The following EFR3A variants were observed in gnomAD, a reference collection of about 807,000 sequenced individuals.
EFR3A encodes the protein EFR3 homolog A.
A neutral mutation model predicts 104.4 loss-of-function variants in EFR3A; 76 were observed. The observed-to-expected ratio is 0.73, with a 90% CI of 0.60 to 0.88. EFR3A has a LOEUF of 0.88. Ranked by LOEUF, EFR3A falls within the 40% of genes least tolerant of loss-of-function variation. The pLI is 0.00. For synonymous variants in EFR3A, 330 were observed against 330.0 expected (o/e 1.00, Z 0.00); for missense variants, 985 against 1,012.5 (o/e 0.97, Z 0.37).
At chr8:131,948,888 G>A (rs1818564989) in intron 4 of EFR3A, among the ~76,000 whole-genome samples, 1 of 152,028 alleles carries the variant, frequency 6.6e-6, no homozygotes. Context: ...TATTAATGGT[G>A]TTCGTACGGT....
At chr8:131,998,496 A>C (rs1821614568) in intron 19 of EFR3A, among the ~76,000 whole-genome samples, 1 of 151,974 alleles carries the variant, frequency 6.6e-6, no homozygotes, top group African/African-American at 2.4e-5. Flanking sequence ...CTGTTTCCCT[A>C]AACTCAAATT....
rs146847791 is a variant in EFR3A, at chr8:131,942,508, A to G, written c.87+1933A>G. ...AAGTCCCTTGTTTTGTCATCATGTA[A>G]TGGAAGTAATAAGTAGTACCGATCT... is the stretch of plus-strand genomic sequence containing the variant. On this transcript the variant is annotated intron_variant, in intron 2 of 22. Coordinates refer to ENST00000254624, the MANE Select transcript of EFR3A (RefSeq NM_015137.6). 9.0e-3 allele frequency among the ~76,000 whole-genome samples: 1,368 copies of G among 152,206 alleles called. 18 individuals carry two copies. Among genetic ancestry groups the G allele is most frequent in the Middle Eastern group, 0.037 (11 of 294 alleles).
intron 22 of EFR3A, among the ~76,000 whole-genome samples, chr8:132,010,587 T>C (rs922899274): frequency 1.3e-4 from 19 of 151,830 alleles, no homozygotes; most frequent in South Asian, 4.2e-4. Flanking sequence ...CCAAGGAAAA[T>C]GTCTGCTTTA....
intron 1 of EFR3A, among the ~76,000 whole-genome samples, chr8:131,921,573 C>T (rs781263229): frequency 1.1e-4 from 17 of 151,954 alleles, no homozygotes; most frequent in South Asian, 1.0e-3. Context: ...TTTAATTGTG[C>T]GTATTTATTA....
At chr8:131,905,515 A>G (rs1403743776) in intron 1 of EFR3A, among the ~76,000 whole-genome samples, 2 of 152,202 alleles carry the variant, frequency 1.3e-5, no homozygotes, top group Admixed American at 6.5e-5. Context: ...CCTGATGTAG[A>G]GATTACTTTT....
chr8:131,919,454 G>A (rs994217436), intron 1 of EFR3A, among the ~76,000 whole-genome samples: 2 of 151,952 alleles, frequency 1.3e-5, no homozygotes, highest in East Asian at 3.9e-4. Context: ...AAAATTAGCC[G>A]GGTATGGTGG....
At position 131,968,864 on chromosome 8, in the gene EFR3A, G is replaced by A. The variant is rs530092522; in HGVS notation, c.991+434G>A. On this transcript the variant is annotated intron_variant, in intron 9 of 22. Coordinates refer to ENST00000254624, the MANE Select transcript of EFR3A (RefSeq NM_015137.6). ...GCAAAATTTTATGTGGCCCATTTTG[G>A]GTAGAATGTATGGTGTTAGTTTAGA... 1.8e-3 allele frequency among the ~76,000 whole-genome samples: 280 copies of A among 152,246 alleles called. 2 individuals are homozygous for A. The highest frequency in any genetic ancestry group is 6.5e-3 in the African/African-American group (272 of 41,542).
At chr8:131,908,296 G>A (rs765092474) in intron 1 of EFR3A, among the ~76,000 whole-genome samples, 1 of 152,002 alleles carries the variant, frequency 6.6e-6, no homozygotes, top group Non-Finnish European at 1.5e-5. Flanking sequence ...TCCTGACCTC[G>A]TGATCCACCC....
At chr8:131,947,930 T>C (rs1218855412) in intron 4 of EFR3A, among the ~76,000 whole-genome samples, 2 of 152,150 alleles carry the variant, frequency 1.3e-5, no homozygotes, top group African/African-American at 4.8e-5. Context: ...CATTTTCTTC[T>C]ATCTTGAACC....
intron 5 of EFR3A, among the ~76,000 whole-genome samples, 196 bp downstream of exon 5, chr8:131,950,286 C>T (rs1818634167): frequency 6.6e-6 from 1 of 152,164 alleles, no homozygotes; most frequent in Non-Finnish European, 1.5e-5. Context: ...GCGGTCTTTA[C>T]TGTAGCCTAG....
intron 14 of EFR3A, among the ~76,000 whole-genome samples, chr8:131,980,083 A>G (rs1233388858): frequency 1.3e-5 from 2 of 152,158 alleles, no homozygotes; most frequent in South Asian, 2.1e-4. Flanking sequence ...TAACCATGAC[A>G]CTGCCAGCTG....
intron 14 of EFR3A, among the ~76,000 whole-genome samples, chr8:131,980,566 G>T (rs1032216054): frequency 6.6e-6 from 1 of 151,816 alleles, no homozygotes; most frequent in African/African-American, 2.4e-5. Flanking sequence ...ACATTTATGG[G>T]ATATAATATG....
intron 2 of EFR3A, 61 bp downstream of exon 2, chr8:131,940,636 C>T (rs1426440602): frequency 7.1e-6 from 11 of 1,543,780 alleles, no homozygotes; most frequent in Admixed American, 2.0e-5. Flanking sequence ...CCCCGCTGAC[C>T]TCCTTAAGGT....
At chr8:132,003,188 A>G in intron 21 of EFR3A, 48 bp from the exon 22 acceptor site, 1 of 1,413,852 alleles carries the variant, frequency 7.1e-7, no homozygotes. Context: ...TATTATATAT[A>G]GATACCTAGA....
chr8:131,925,265 TA>T (rs1224232114), intron 1 of EFR3A, among the ~76,000 whole-genome samples: 1 of 152,212 alleles, frequency 6.6e-6, no homozygotes, highest in Admixed American at 6.6e-5. Context: ...AAGCATTTTG[TA>T]ACTAAAATAA....
chr8:131,944,909 GA>G lies in EFR3A; in HGVS notation c.215+41del, dbSNP rs766296116. On this transcript the variant is annotated intron_variant, in intron 3 of 22. Transcript: ENST00000254624. ...AATGGCTGCTAAAATAGTATCTTTG[GA>G]AAATTCTTTCTAGACTTTTAAATCA... 5.6e-5 allele frequency: 89 copies of G among 1,591,342 alleles called. 1 individual carries two copies. The Admixed American group carries it at 1.6e-3, about 29-fold the overall frequency.
chr8:131,904,977 G>C (rs1816173066), intron 1 of EFR3A, among the ~76,000 whole-genome samples: 1 of 152,212 alleles, frequency 6.6e-6, no homozygotes, highest in Non-Finnish European at 1.5e-5. Context: ...TGTCTAATAA[G>C]CGTCCCTGGG....
intron 2 of EFR3A, among the ~76,000 whole-genome samples, chr8:131,941,087 A>G (rs1421162664): frequency 1.3e-5 from 2 of 152,092 alleles, no homozygotes; most frequent in African/African-American, 4.8e-5. Context: ...AGCCTGGAGG[A>G]AATAAAATCT....
intron 10 of EFR3A, 34 bp downstream of exon 10, chr8:131,970,677 A>C (rs1820002965): frequency 6.3e-7 from 1 of 1,586,564 alleles, no homozygotes. Flanking sequence ...ACTATCATGT[A>C]AAACAGTGAT....
Sources: allele counts gnomAD v4.1 joint callset (sites outside exome capture counted in the v4.1 genomes callset), GRCh38; gene constraint gnomAD v4.1.1; transcripts MANE v1.5; gene names NCBI Gene and HGNC (gene_info 2026-07-23, HGNC 2026-07-21).